The following DPP10 variants were observed in gnomAD, a reference collection of about 807,000 sequenced individuals.
The protein encoded by DPP10 is inactive dipeptidyl peptidase 10.
In DPP10, 33 loss-of-function variants were observed where a neutral mutation model predicts 120.9. That is an observed-to-expected ratio of 0.27 (90% CI 0.21 to 0.37). The LOEUF (loss-of-function observed/expected upper bound fraction) is 0.37. Among genes scored for constraint, DPP10 ranks in the 10% least tolerant of loss-of-function variants. DPP10 has a pLI of 1.00. For missense variants in DPP10, 816 were observed against 942.8 expected (o/e 0.87, Z 1.76); for synonymous variants, 337 against 326.1 (o/e 1.03, Z -0.36).
chr2:115,628,303 T>C (rs1255788263), intron 5 of DPP10, among the ~76,000 whole-genome samples: 1 of 152,136 alleles, frequency 6.6e-6, no homozygotes, highest in African/African-American at 2.4e-5. Flanking sequence ...TTCTTGGCCA[T>C]ATAAATGTCT....
At chr2:114,646,196 A>T (rs898636248) in intron 1 of DPP10, among the ~76,000 whole-genome samples, 1 of 151,138 alleles carries the variant, frequency 6.6e-6, no homozygotes, top group Admixed American at 6.6e-5. Flanking sequence ...ATAAATAAAT[A>T]AAAAGGGGGA....
At chr2:115,240,969 C>T (rs2058246257) in intron 1 of DPP10, among the ~76,000 whole-genome samples, 1 of 152,080 alleles carries the variant, frequency 6.6e-6, no homozygotes, top group African/African-American at 2.4e-5. Context: ...TCATGGCAAA[C>T]CTATAAAAAA....
chr2:115,684,790 G>A (rs2090886736), intron 5 of DPP10, among the ~76,000 whole-genome samples: 1 of 151,784 alleles, frequency 6.6e-6, no homozygotes, highest in Non-Finnish European at 1.5e-5. Flanking sequence ...AAAAAATTGT[G>A]AAAAACAGTT....
intron 5 of DPP10, among the ~76,000 whole-genome samples, chr2:115,666,012 C>G (rs909737221): frequency 1.6e-4 from 24 of 151,882 alleles, no homozygotes; most frequent in African/African-American, 5.6e-4. Context: ...AGCATAGTAC[C>G]CAACAGGTAG....
At position 114,703,912 on chromosome 2, in the gene DPP10, A is replaced by G. The variant is rs533329427; in HGVS notation, c.60+261074A>G. On this transcript the variant is annotated intron_variant, in intron 1 of 25. Coordinates refer to ENST00000410059, the MANE Select transcript of DPP10 (RefSeq NM_020868.6). ...CAGGGTGACTTGGGACCAGCTATGA[A>G]AGAAAGAACCCAGAAGTGGGTGATA... is the stretch of plus-strand genomic sequence containing the variant. Among the ~76,000 whole-genome samples, 23 of 152,220 alleles carry G rather than the reference A, an allele frequency of 1.5e-4. 1 individual carries two copies. Among genetic ancestry groups the G allele is most frequent in the African/African-American group, 5.5e-4 (23 of 41,548 alleles).
intron 25 of DPP10, among the ~76,000 whole-genome samples, 175 bp downstream of exon 25, chr2:115,840,998 T>C: frequency 6.6e-6 from 1 of 152,108 alleles, no homozygotes; most frequent in Non-Finnish European, 1.5e-5. Flanking sequence ...GATGAACTCA[T>C]GCTTTACAAG....
chr2:114,605,624 A>C (rs1360004913), intron 1 of DPP10, among the ~76,000 whole-genome samples: 1 of 152,058 alleles, frequency 6.6e-6, no homozygotes, highest in African/African-American at 2.4e-5. Flanking sequence ...CAAAAGTTGT[A>C]CTCAGATTTT....
chr2:114,727,584 G>A (rs1676458349), intron 1 of DPP10, among the ~76,000 whole-genome samples: 2 of 152,250 alleles, frequency 1.3e-5, no homozygotes, highest in African/African-American at 4.8e-5. Context: ...TGGTCTCAGG[G>A]CATGTTTTTT....
At position 115,762,538 on chromosome 2, in the gene DPP10, T is replaced by C. The variant is rs760689808; in HGVS notation, c.1075-34T>C. The C allele has an allele frequency of 7.4e-6, 12 of 1,612,964 alleles. No homozygotes were observed. In the Admixed American group the frequency reaches 2.0e-4, roughly 27 times the overall value. On this transcript the variant is annotated intron_variant, in intron 11 of 25. Coordinates refer to ENST00000410059, the MANE Select transcript of DPP10 (RefSeq NM_020868.6). ...ATTTATATATGCTCATTTTGGTCTT[T>C]AGATGCTTCATGGAGTTAATTGTTT...
At chr2:115,642,219 T>C (rs1399689396) in intron 5 of DPP10, among the ~76,000 whole-genome samples, 1 of 152,108 alleles carries the variant, frequency 6.6e-6, no homozygotes, top group African/African-American at 2.4e-5. Context: ...CCGAGATGGT[T>C]AATTCCGTGT....
chr2:114,943,055 C>T (rs1005011701), intron 1 of DPP10, among the ~76,000 whole-genome samples: 5 of 152,068 alleles, frequency 3.3e-5, no homozygotes, highest in African/African-American at 1.2e-4. Context: ...CTCTAGCCCT[C>T]CACCCCCCAG....
At chr2:114,969,230 A>G (rs929588799) in intron 1 of DPP10, among the ~76,000 whole-genome samples, 1 of 152,202 alleles carries the variant, frequency 6.6e-6, no homozygotes, top group African/African-American at 2.4e-5. Context: ...TTGAATTATT[A>G]CAGTAAATGT....
intron 3 of DPP10, among the ~76,000 whole-genome samples, chr2:115,415,377 A>G (rs887471474): frequency 1.3e-5 from 2 of 152,202 alleles, no homozygotes; most frequent in African/African-American, 4.8e-5. Context: ...TTCTGTATCT[A>G]TCACAAGTAT....
chr2:114,889,310 C>T (rs76035615), intron 1 of DPP10, among the ~76,000 whole-genome samples: 3,788 of 152,244 alleles, frequency 0.025, 150 homozygotes, highest in African/African-American at 0.082. Context: ...CTTTTATTAT[C>T]TTATTCCAAA....
intron 1 of DPP10, among the ~76,000 whole-genome samples, chr2:115,125,056 C>G (rs766044063): frequency 3.3e-5 from 5 of 152,176 alleles, no homozygotes; most frequent in Non-Finnish European, 7.3e-5. Flanking sequence ...TCTTTTGTTT[C>G]TCTATCTACC....
chr2:115,006,380 A>G (rs1317393485), intron 1 of DPP10, among the ~76,000 whole-genome samples: 1 of 152,046 alleles, frequency 6.6e-6, no homozygotes, highest in East Asian at 1.9e-4. Flanking sequence ...TTAACTTTAA[A>G]TGTAAATGGA....
intron 16 of DPP10, among the ~76,000 whole-genome samples, chr2:115,781,934 T>C (rs1682807742): frequency 6.6e-6 from 1 of 152,050 alleles, no homozygotes; most frequent in Non-Finnish European, 1.5e-5. Flanking sequence ...ATGAACTATT[T>C]CCAATATGCG....
At chr2:115,407,448 CAGA>C (rs2068600041) in intron 3 of DPP10, among the ~76,000 whole-genome samples, 1 of 152,126 alleles carries the variant, frequency 6.6e-6, no homozygotes, top group Non-Finnish European at 1.5e-5. Context: ...AAATGGCAGT[CAGA>C]TCTCCCTCAG....
chr2:115,670,940 A>G (rs952178699), intron 5 of DPP10, among the ~76,000 whole-genome samples: 3 of 152,118 alleles, frequency 2.0e-5, no homozygotes, highest in Non-Finnish European at 4.4e-5. Context: ...TGTTTTAGAG[A>G]AACTATTGGA....
Sources: gnomAD v4.1 joint callset for allele counts (sites outside exome capture counted in the v4.1 genomes callset) on GRCh38, gnomAD v4.1.1 for gene constraint, MANE v1.5 for transcripts, NCBI Gene and HGNC (gene_info 2026-07-23, HGNC 2026-07-21) for gene names.